The following COG5 variants were observed in gnomAD, a reference collection of about 807,000 sequenced individuals.
The protein encoded by COG5 is component of oligomeric golgi complex 5, also known as conserved oligomeric Golgi complex subunit 5.
COG5 carries 86 observed loss-of-function variants against 110.4 expected under a neutral mutation model. That is an observed-to-expected ratio of 0.78 (90% CI 0.65 to 0.93). COG5 has a LOEUF of 0.93. COG5 is among the 40% of genes least tolerant of loss of function. The pLI is 0.00. For synonymous variants in COG5, 360 were observed against 334.6 expected, an observed-to-expected ratio of 1.08 and a Z score of -0.83; for missense variants, 1,077 against 987.0, an observed-to-expected ratio of 1.09 and a Z score of -1.22.
intron 7 of COG5, among the ~76,000 whole-genome samples, chr7:107,384,508 CCT>C (rs1815403605): frequency 6.6e-6 from 1 of 152,100 alleles, no homozygotes; most frequent in Non-Finnish European, 1.5e-5. Context: ...TGCGAGAGGC[CCT>C]GTTTTCCCCC....
At chr7:107,329,839 G>A (rs1034834077) in intron 10 of COG5, among the ~76,000 whole-genome samples, 7 of 152,182 alleles carry the variant, frequency 4.6e-5, no homozygotes, top group African/African-American at 1.7e-4. Context: ...AGGCTGCAGT[G>A]AGCCAGGATC....
chr7:107,302,380 T>C (rs1807339290), intron 11 of COG5, among the ~76,000 whole-genome samples: 1 of 152,092 alleles, frequency 6.6e-6, no homozygotes, highest in African/African-American at 2.4e-5. Context: ...GGGAGGGAGA[T>C]AGTGGAGACA....
At chr7:107,369,939 A>T (rs1479781074) in intron 8 of COG5, among the ~76,000 whole-genome samples, 1 of 152,136 alleles carries the variant, frequency 6.6e-6, no homozygotes, top group Non-Finnish European at 1.5e-5. Context: ...CTCCAAAAAG[A>T]GGCTGAATAT....
At chr7:107,511,291 C>T (rs1025616230) in intron 6 of COG5, among the ~76,000 whole-genome samples, 2 of 152,200 alleles carry the variant, frequency 1.3e-5, no homozygotes, top group African/African-American at 4.8e-5. Context: ...ACTAGACAAT[C>T]TAGAAGAAAT....
At chr7:107,210,980 A>G in intron 20 of COG5, 119 bp downstream of exon 20, 2 of 1,172,436 alleles carry the variant, frequency 1.7e-6, no homozygotes, top group Non-Finnish European at 2.5e-6. Flanking sequence ...TCAAAGATAG[A>G]CATAAGCAAC....
rs1281947729 is a variant in COG5 at position 107,513,142 on chromosome 7, TACTCATCTG to T, written c.538+14086_538+14094del. 2.0e-5 allele frequency among the ~76,000 whole-genome samples: 3 copies of T among 152,004 alleles called. No homozygotes were observed. The East Asian group carries it at 5.8e-4, about 29-fold the overall frequency. On this transcript the variant is annotated intron_variant, in intron 6 of 21. Coordinates refer to ENST00000297135, the MANE Select transcript of COG5 (RefSeq NM_006348.5). ...AAAATGGGAGAAAATTTTTGCAACC[TACTCATCTG>T]ACAAAGGGCTAATATCCAGAATCTA...
chr7:107,364,561 T>C (rs1042774649), intron 8 of COG5, among the ~76,000 whole-genome samples: 2 of 151,992 alleles, frequency 1.3e-5, no homozygotes, highest in African/African-American at 2.4e-5. Context: ...AATAAAAAAA[T>C]AGAAATTTTA....
intron 7 of COG5, among the ~76,000 whole-genome samples, chr7:107,378,221 G>A (rs745703597): frequency 2.0e-4 from 30 of 152,138 alleles, no homozygotes; most frequent in Admixed American, 1.4e-3. Flanking sequence ...AAGGAATAGC[G>A]TCAACATCAA....
intron 1 of COG5, among the ~76,000 whole-genome samples, chr7:107,558,660 G>A (rs1234976052): frequency 2.6e-5 from 4 of 151,650 alleles, no homozygotes; most frequent in Non-Finnish European, 5.9e-5. Flanking sequence ...GCCGAGGCAG[G>A]TGGATCACGA....
chr7:107,490,112 T>C (rs1488909864), intron 6 of COG5, among the ~76,000 whole-genome samples: 1 of 152,204 alleles, frequency 6.6e-6, no homozygotes, highest in African/African-American at 2.4e-5. Context: ...AAAGGAATGA[T>C]TATGATTTCT....
intron 7 of COG5, among the ~76,000 whole-genome samples, chr7:107,379,824 T>C (rs1814954911): frequency 6.6e-6 from 1 of 151,944 alleles, no homozygotes; most frequent in Non-Finnish European, 1.5e-5. Flanking sequence ...TCCCACACAA[T>C]AATAGTGGGA....
intron 21 of COG5, chr7:107,209,000 C>G: frequency 2.3e-5 from 22 of 975,932 alleles, no homozygotes; most frequent in Non-Finnish European, 2.7e-5. Flanking sequence ...CCTGGAGATT[C>G]TGAGGTAGGC....
chr7:107,490,840 T>C (rs765156498), intron 6 of COG5, among the ~76,000 whole-genome samples: 14 of 152,152 alleles, frequency 9.2e-5, no homozygotes, highest in Admixed American at 4.6e-4. Flanking sequence ...ATGATTACAA[T>C]AGTTTATGGC....
At chr7:107,355,876 A>C (rs186830634) in intron 10 of COG5, among the ~76,000 whole-genome samples, 1 of 152,258 alleles carries the variant, frequency 6.6e-6, no homozygotes, top group African/African-American at 2.4e-5. Context: ...ATACATTTGC[A>C]TAAAGCATTG....
intron 12 of COG5, among the ~76,000 whole-genome samples, chr7:107,290,534 G>A (rs1806076840): frequency 1.3e-5 from 2 of 152,154 alleles, no homozygotes; most frequent in South Asian, 4.1e-4. Context: ...TTTACTTTGT[G>A]GGGATTCGAA....
At chr7:107,472,513 CTTTA>C (rs1376641290) in intron 6 of COG5, 3 of 151,870 alleles carry the variant, frequency 2.0e-5, no homozygotes, top group Admixed American at 6.6e-5. Flanking sequence ...GACATTTCTG[CTTTA>C]TTTAATTATA....
chr7:107,427,774 A>G (rs570038273), intron 6 of COG5, among the ~76,000 whole-genome samples: 2 of 151,984 alleles, frequency 1.3e-5, no homozygotes, highest in Admixed American at 1.3e-4. Flanking sequence ...CAGCTCATAC[A>G]CACATTCAGC....
rs116421584 is a variant in COG5, at chr7:107,389,886, T to C, written c.670-17126A>G. ...CATATCATAATTCCAGTAATGACTA[T>C]ACTATAACCTTTATTCACAATCACA... On this transcript the variant is annotated intron_variant, in intron 7 of 21. Transcript: ENST00000297135. Among the ~76,000 whole-genome samples the C allele has an allele frequency of 5.3e-3, 808 of 152,260 alleles. 9 individuals carry two copies. The highest frequency in any genetic ancestry group is 0.019 in the African/African-American group (786 of 41,542).
intron 11 of COG5, among the ~76,000 whole-genome samples, chr7:107,310,924 TA>T (rs112709689): frequency 3.8e-4 from 56 of 147,276 alleles, no homozygotes; most frequent in South Asian, 4.3e-4. Flanking sequence ...AGCACATATG[TA>T]AAAAAAAAAA....
Sources: gnomAD v4.1 joint callset for allele counts (sites outside exome capture counted in the v4.1 genomes callset) on GRCh38, gnomAD v4.1.1 for gene constraint, MANE v1.5 for transcripts, NCBI Gene and HGNC (gene_info 2026-07-23, HGNC 2026-07-21) for gene names.